The following CADPS2 variants were observed in gnomAD, a reference collection of about 807,000 sequenced individuals.
CADPS2 encodes calcium dependent secretion activator 2, also known as calcium-dependent secretion activator 2.
A neutral mutation model predicts 172.5 loss-of-function variants in CADPS2; 93 were observed. That is an observed-to-expected ratio of 0.54 (90% CI 0.46 to 0.64). The LOEUF (loss-of-function observed/expected upper bound fraction) is 0.64, where lower values mean the gene tolerates loss of function less well. Among genes scored for constraint, CADPS2 ranks in the 30% least tolerant of loss-of-function variants. The pLI is 0.00. For missense variants in CADPS2, 1,420 were observed against 1,565.9 expected (o/e 0.91, Z 1.57); for synonymous variants, 546 against 555.2 (o/e 0.98, Z 0.23).
intron 25 of CADPS2, among the ~76,000 whole-genome samples, chr7:122,376,997 C>A (rs2042445281): frequency 6.6e-6 from 1 of 152,002 alleles, no homozygotes; most frequent in Admixed American, 6.6e-5. Flanking sequence ...ATGTTTGGTT[C>A]AACCTATCAA....
At chr7:122,768,465 C>A (rs1327597253) in intron 1 of CADPS2, among the ~76,000 whole-genome samples, 1 of 152,108 alleles carries the variant, frequency 6.6e-6, no homozygotes, top group Admixed American at 6.6e-5. Context: ...ACTGCTTAAT[C>A]TTAAGGTCTA....
intron 1 of CADPS2, among the ~76,000 whole-genome samples, chr7:122,834,936 G>C (rs953128287): frequency 6.6e-6 from 1 of 152,212 alleles, no homozygotes; most frequent in Non-Finnish European, 1.5e-5. Flanking sequence ...GAAGTGAGTA[G>C]TGTTTCTCCC....
At chr7:122,623,743 C>A (rs1267309675) in intron 4 of CADPS2, among the ~76,000 whole-genome samples, 1 of 152,106 alleles carries the variant, frequency 6.6e-6, no homozygotes, top group African/African-American at 2.4e-5. Context: ...TGAATAAAAT[C>A]TCTATTGTGT....
intron 25 of CADPS2, among the ~76,000 whole-genome samples, chr7:122,370,469 C>A (rs946178673): frequency 2.0e-5 from 3 of 152,140 alleles, no homozygotes; most frequent in South Asian, 2.1e-4. Context: ...AGGTTAGAGA[C>A]AAGAACTGGA....
intron 2 of CADPS2, among the ~76,000 whole-genome samples, chr7:122,664,107 A>G (rs2080921002): frequency 6.7e-6 from 1 of 149,922 alleles, no homozygotes; most frequent in Admixed American, 6.6e-5. Flanking sequence ...AAACAACTGG[A>G]GATATGAACC....
At chr7:122,659,414 T>C (rs549600880) in intron 3 of CADPS2, among the ~76,000 whole-genome samples, 63 of 150,238 alleles carry the variant, frequency 4.2e-4, no homozygotes, top group African/African-American at 1.2e-3. Flanking sequence ...CTTGAAGACA[T>C]GTCAATAAAA....
At chr7:122,351,922 T>G (rs114848581) in intron 27 of CADPS2, among the ~76,000 whole-genome samples, 1,543 of 152,322 alleles carry the variant, frequency 0.01, 23 homozygotes, top group African/African-American at 0.036. Flanking sequence ...TTTTATTATA[T>G]CAATGGGGAA....
chr7:122,736,514 T>G (rs2092161753), intron 2 of CADPS2, among the ~76,000 whole-genome samples: 1 of 152,194 alleles, frequency 6.6e-6, no homozygotes, highest in Non-Finnish European at 1.5e-5. Flanking sequence ...ATTGGTAGTA[T>G]TATTTCTTTA....
chr7:122,859,486 G>C (rs1189545230), intron 1 of CADPS2, among the ~76,000 whole-genome samples: 2 of 152,018 alleles, frequency 1.3e-5, no homozygotes, highest in Admixed American at 6.6e-5. Flanking sequence ...GAACCTATAG[G>C]TCTTATTATA....
chr7:122,559,800 A>G (rs1365999276), intron 7 of CADPS2, among the ~76,000 whole-genome samples: 2 of 151,348 alleles, frequency 1.3e-5, no homozygotes, highest in Admixed American at 1.3e-4. Flanking sequence ...AAAGGAAAAG[A>G]AAAAGAGAGA....
chr7:122,836,843 C>G (rs995576356), intron 1 of CADPS2, among the ~76,000 whole-genome samples: 10 of 152,100 alleles, frequency 6.6e-5, no homozygotes, highest in African/African-American at 2.2e-4. Context: ...ACTTTAACAC[C>G]CCACTGTCAA....
intron 2 of CADPS2, among the ~76,000 whole-genome samples, chr7:122,692,565 C>T (rs188018774): frequency 6.4e-4 from 98 of 152,316 alleles, no homozygotes; most frequent in Admixed American, 2.7e-3. Flanking sequence ...CAGGCAGCAC[C>T]GCTGCCACTG....
At chr7:122,331,632 C>G (rs1452526502) in intron 28 of CADPS2, among the ~76,000 whole-genome samples, 1 of 150,582 alleles carries the variant, frequency 6.6e-6, no homozygotes, top group African/African-American at 2.4e-5. Context: ...CAAGGAGACT[C>G]TGTCTCAAAA....
intron 13 of CADPS2, among the ~76,000 whole-genome samples, chr7:122,472,821 A>G (rs1035681586): frequency 6.6e-6 from 1 of 152,178 alleles, no homozygotes; most frequent in African/African-American, 2.4e-5. Flanking sequence ...CAATCTATAA[A>G]TGAATTAATG....
At chr7:122,641,586 A>AT (rs1410681712) in intron 3 of CADPS2, among the ~76,000 whole-genome samples, 1 of 152,158 alleles carries the variant, frequency 6.6e-6, no homozygotes, top group Non-Finnish European at 1.5e-5. Context: ...AGCCTCTATT[A>AT]TTTCATTCTA....
At chr7:122,551,619 C>T (rs2064312425) in intron 8 of CADPS2, among the ~76,000 whole-genome samples, 2 of 151,968 alleles carry the variant, frequency 1.3e-5, no homozygotes, top group African/African-American at 4.8e-5. Context: ...GTCTAAAGTG[C>T]TCTGAAGATA....
chr7:122,339,777 C>T (rs975706837), intron 28 of CADPS2, among the ~76,000 whole-genome samples: 2 of 152,114 alleles, frequency 1.3e-5, no homozygotes, highest in African/African-American at 4.8e-5. Flanking sequence ...GTCCCAGCTA[C>T]TCTGCAGCTG....
intron 1 of CADPS2, among the ~76,000 whole-genome samples, chr7:122,773,074 G>A (rs984778460): frequency 6.6e-6 from 1 of 152,020 alleles, no homozygotes; most frequent in African/African-American, 2.4e-5. Flanking sequence ...CAGAAAACAC[G>A]AACAATTCAC....
At chr7:122,660,101 C>A (rs970317598) in intron 3 of CADPS2, among the ~76,000 whole-genome samples, 1 of 152,070 alleles carries the variant, frequency 6.6e-6, no homozygotes, top group Non-Finnish European at 1.5e-5. Flanking sequence ...AGGTAAAATA[C>A]ATATAATCTT....
Sources: allele counts gnomAD v4.1 joint callset (sites outside exome capture counted in the v4.1 genomes callset), GRCh38; gene constraint gnomAD v4.1.1; transcripts MANE v1.5; gene names NCBI Gene and HGNC (gene_info 2026-07-23, HGNC 2026-07-21).